The following CLPTM1 variants were observed in gnomAD, a reference collection of about 807,000 sequenced individuals.
CLPTM1 encodes putative lipid scramblase CLPTM1.
CLPTM1 carries 21 observed loss-of-function variants against 77.3 expected under a neutral mutation model. The observed-to-expected ratio is 0.27, with a 90% CI of 0.19 to 0.39. The LOEUF (loss-of-function observed/expected upper bound fraction) is 0.39. Ranked by LOEUF, CLPTM1 falls within the 10% of genes least tolerant of loss-of-function variation. The pLI, the probability that CLPTM1 is intolerant of heterozygous loss-of-function variation, is 1.00. For missense variants in CLPTM1, 642 were observed against 921.2 expected, an observed-to-expected ratio of 0.70 and a Z score of 3.92; for synonymous variants, 373 against 381.0, an observed-to-expected ratio of 0.98 and a Z score of 0.24.
At chr19:44,982,569 C>G (rs936470798) in intron 5 of CLPTM1, among the ~76,000 whole-genome samples, 7 of 152,226 alleles carry the variant, frequency 4.6e-5, no homozygotes, top group African/African-American at 1.7e-4. Flanking sequence ...TGTTCTTTGC[C>G]TGAGCCAAAG....
chr19:44,971,448 G>A (rs961786473), intron 2 of CLPTM1, among the ~76,000 whole-genome samples: 2 of 152,114 alleles, frequency 1.3e-5, no homozygotes, highest in African/African-American at 2.4e-5. Context: ...TGGAACTAAC[G>A]TATCACTTAC....
Position 44,992,760 on chromosome 19 carries a change from C to T in CLPTM1, c.1873C>T (p.Pro625Ser), listed in dbSNP as rs1418761022. Residue 625 changes from proline to serine, a missense_variant, in exon 14 of 14, where the codon CCT becomes TCT. Physicochemically the swap from Pro to Ser is moderately conservative, Grantham distance 74 (BLOSUM62 -1). This residue lies in a region of CLPTM1 where 521 missense variants were observed against 800.4 expected (regional missense o/e 0.65). Coordinates refer to ENST00000337392, the MANE Select transcript of CLPTM1 (RefSeq NM_001294.4). The surrounding 1 kb of genome is among the most constrained non-coding windows in gnomAD (Gnocchi z 7.7). ...PTAAGALTPT[P>S]APTTTTATRE... ...AGCAGCAGGGGCCCTCACGCCCACA[C>T]CTGCACCCACCACGACCACCGCCAC... The T allele has an allele frequency of 6.2e-7, 1 of 1,612,552 alleles. No individual in the cohort carries two copies. Among genetic ancestry groups the T allele is most frequent in the Admixed American group, 1.7e-5 (1 of 60,002 alleles).
rs903799060 is a variant in CLPTM1 at position 44,973,768 on chromosome 19, T to TTTG, written c.309+560_309+561insGTT. 5.0e-5 allele frequency among the ~76,000 whole-genome samples: 7 copies of TTTG among 139,774 alleles called. 1 individual carries two copies. In the South Asian group the frequency reaches 7.1e-4, roughly 14 times the overall value. 91.7% of individuals were successfully genotyped at this position (139,774 alleles called of 152,430 possible). ...CTTGTTGGGTCACAGTGGGTTTTTT[T>TTTG]TTTTTTTTTTTTTGAGATGGAGTCT... On this transcript the variant is annotated intron_variant, in intron 3 of 13. Coordinates refer to ENST00000337392, the MANE Select transcript of CLPTM1 (RefSeq NM_001294.4).
intron 5 of CLPTM1, among the ~76,000 whole-genome samples, chr19:44,981,373 T>A (rs1415819535): frequency 6.6e-6 from 1 of 151,256 alleles, no homozygotes; most frequent in Non-Finnish European, 1.5e-5. Flanking sequence ...ACTCCCGACC[T>A]CAGGGGACCC....
At chr19:44,968,725 G>T (rs947650660) in intron 2 of CLPTM1, among the ~76,000 whole-genome samples, 4 of 152,186 alleles carry the variant, frequency 2.6e-5, no homozygotes, top group Non-Finnish European at 4.4e-5. Flanking sequence ...GAGGGGTTAG[G>T]ACCCCCACAG....
rs1351909748 is a variant in CLPTM1, at chr19:44,962,055, C to T, written c.165C>T (p.Val55=). Residue 55 remains valine, a synonymous_variant, in exon 2 of 14, where the codon GTC becomes GTT. Coordinates refer to ENST00000337392, the MANE Select transcript of CLPTM1 (RefSeq NM_001294.4). Reference sequence around the variant, plus strand: ...AGCCGGCACCCAATGCCTGGCAGGTCATCAAAGGTGTGCTGTTTAGGTGAG... The same window carrying T: ...AGCCGGCACCCAATGCCTGGCAGGTTATCAAAGGTGTGCTGTTTAGGTGAG... ...PAQPAPNAWQ[V]IKGVLFRIFI... The T allele has an allele frequency of 6.2e-7, 1 of 1,609,076 alleles. No homozygotes were observed.
chr19:44,986,709 TC>T, intron 7 of CLPTM1, 134 bp downstream of exon 7: 1 of 1,180,044 alleles, frequency 8.5e-7, no homozygotes, highest in Non-Finnish European at 1.2e-6. Flanking sequence ...TCCCACCCTG[TC>T]CTATCCCCTT....
Position 44,986,627 on chromosome 19 carries a change from G to A in CLPTM1, c.793+52G>A, listed in dbSNP as rs116502033. 5.0e-5 allele frequency: 79 copies of A among 1,593,852 alleles called. No individual in the cohort carries two copies. The African/African-American group carries it at 7.5e-4, about 15-fold the overall frequency. ...CTGCAGAGCCTTTGAGAGGGTGCTC[G>A]GGGTCCATCTCCTTGTCTTCTCCTG... On this transcript the variant is annotated intron_variant, in intron 7 of 13. Transcript: ENST00000337392.
chr19:44,969,129 CACTT>C (rs1291490030), intron 2 of CLPTM1, among the ~76,000 whole-genome samples: 4 of 152,194 alleles, frequency 2.6e-5, no homozygotes, highest in African/African-American at 9.7e-5. Flanking sequence ...ACTTCTCAGT[CACTT>C]ACTGGGTATG....
chr19:44,971,521 C>T (rs985715943), intron 2 of CLPTM1, among the ~76,000 whole-genome samples: 4 of 152,032 alleles, frequency 2.6e-5, no homozygotes, highest in African/African-American at 7.2e-5. Context: ...GCTTCTGTGC[C>T]TTCGGTTCTT....
chr19:44,967,354 CAG>C (rs1164180965), intron 2 of CLPTM1, among the ~76,000 whole-genome samples: 1 of 150,564 alleles, frequency 6.6e-6, no homozygotes, highest in Non-Finnish European at 1.5e-5. Context: ...TATAGTGAAA[CAG>C]TGAAAAAAAA....
At position 44,987,123 on chromosome 19, in the gene CLPTM1, C is replaced by T. The variant is rs112936176; in HGVS notation, c.794-56C>T. ...GGTCTCTCCAGACATCTGAGGCCTG[C>T]GGGTACCCTGGCCTCCTGCCCGGGC... On this transcript the variant is annotated intron_variant, in intron 7 of 13. Coordinates refer to ENST00000337392, the MANE Select transcript of CLPTM1 (RefSeq NM_001294.4). 1,913 of 1,566,672 alleles carry T rather than the reference C, an allele frequency of 1.2e-3. 15 individuals carry two copies. The African/African-American group carries it at 0.02, about 17-fold the overall frequency.
rs577489059 is a variant in CLPTM1 at position 44,972,404 on chromosome 19, T to C, written c.186-683T>C. ...CTGGGACTACAGGCGCCCGCCACCA[T>C]GCCCAGCTAATTTTTTTGTATTTTT... On this transcript the variant is annotated intron_variant, in intron 2 of 13. Transcript: ENST00000337392. Among the ~76,000 whole-genome samples, 386 of 151,920 alleles carry C rather than the reference T, an allele frequency of 2.5e-3. 2 individuals carry two copies. The highest frequency in any genetic ancestry group is 4.0e-3 in the Non-Finnish European group (273 of 67,972).
Position 44,981,109 on chromosome 19 carries a change from G to A in CLPTM1, c.586+3649G>A, listed in dbSNP as rs539617415. 2.2e-4 allele frequency among the ~76,000 whole-genome samples: 33 copies of A among 151,712 alleles called. No individual in the cohort carries two copies. In the South Asian group the frequency reaches 2.9e-3, roughly 13 times the overall value. On this transcript the variant is annotated intron_variant, in intron 5 of 13. Coordinates refer to ENST00000337392, the MANE Select transcript of CLPTM1 (RefSeq NM_001294.4). ...ACCCGCCTTGGCCTCCCAAAGCACT[G>A]GGATTACAGGCATGAGCCAGCGCGC...
intron 1 of CLPTM1, among the ~76,000 whole-genome samples, chr19:44,957,710 A>G (rs541884639): frequency 4.6e-5 from 7 of 152,186 alleles, no homozygotes; most frequent in Non-Finnish European, 8.8e-5. Context: ...CCCTTCTCCC[A>G]TGCCCAGGGC....
In CLPTM1 at chr19:44,973,416, G is replaced by T. The variant is rs537649691; in HGVS notation, c.309+206G>T. 7.2e-5 allele frequency among the ~76,000 whole-genome samples: 11 copies of T among 152,328 alleles called. No homozygotes were observed. In the East Asian group the frequency reaches 1.3e-3, roughly 19 times the overall value. On this transcript the variant is annotated intron_variant, in intron 3 of 13. Transcript: ENST00000337392. The stretch of plus-strand genomic sequence containing the variant: ...GGTCCATCCCCAGCACATAAAACCT[G>T]TGTCACCCAAAAGAAAAAGCAAATT...
At chr19:44,988,483 C>T (rs1297574274) in intron 9 of CLPTM1, among the ~76,000 whole-genome samples, 3 of 152,246 alleles carry the variant, frequency 2.0e-5, no homozygotes, top group Non-Finnish European at 4.4e-5. Flanking sequence ...GAGCTGCTCC[C>T]GCCACCCTGC....
At chr19:44,971,647 C>T (rs895960188) in intron 2 of CLPTM1, among the ~76,000 whole-genome samples, 1 of 152,054 alleles carries the variant, frequency 6.6e-6, no homozygotes, top group South Asian at 2.1e-4. Context: ...CAGCCTTGAC[C>T]GTCAGGGCTC....
intron 3 of CLPTM1, among the ~76,000 whole-genome samples, chr19:44,973,831 T>A (rs1970763076): frequency 7.0e-6 from 1 of 142,038 alleles, no homozygotes; most frequent in Non-Finnish European, 1.5e-5. Context: ...TGGCATAATC[T>A]TAGCTCACTG....
Sources: gnomAD v4.1 joint callset for allele counts (sites outside exome capture counted in the v4.1 genomes callset) on GRCh38, gnomAD v4.1.1 for gene constraint, gnomAD v4.1.1 regional missense constraint, Gnocchi (gnomAD v3.1) non-coding constraint, MANE v1.5 for transcripts, NCBI Gene and HGNC (gene_info 2026-07-23, HGNC 2026-07-21) for gene names.